Variants in RHCG observed in about 807,000 individuals in gnomAD.
RHCG encodes the protein ammonium transporter Rh type C.
A neutral mutation model predicts 55.3 loss-of-function variants in RHCG; 39 were observed. The ratio of observed to expected loss-of-function variants is 0.70; its 90% CI spans 0.55 to 0.92. The LOEUF (loss-of-function observed/expected upper bound fraction) is 0.92. Among genes scored for constraint, RHCG ranks in the 40% least tolerant of loss-of-function variants. RHCG has a pLI of 0.00. For synonymous variants in RHCG, 250 were observed against 246.8 expected (o/e 1.01, Z -0.12); for missense variants, 635 against 627.9 (o/e 1.01, Z -0.12).
chr15:89,494,577 C>A (rs1348036740), intron 1 of RHCG, among the ~76,000 whole-genome samples: 1 of 151,710 alleles, frequency 6.6e-6, no homozygotes, highest in African/African-American at 2.4e-5. Flanking sequence ...TGTACCTCCC[C>A]ACTGGTGAGG....
At chr15:89,476,012 G>T (rs111569699) in intron 9 of RHCG, among the ~76,000 whole-genome samples, 5,720 of 132,694 alleles carry the variant, frequency 0.043, 274 homozygotes, top group African/African-American at 0.17. Context: ...TCTTGCTCTC[G>T]CTCTCTCTCT....
intron 2 of RHCG, 63 bp downstream of exon 2, chr15:89,486,736 G>T (rs1235785798): frequency 6.6e-7 from 1 of 1,520,226 alleles, no homozygotes; most frequent in East Asian, 2.3e-5. Flanking sequence ...CCTCCCTCAG[G>T]CTCACCTGCC....
At position 89,479,433 on chromosome 15, in the gene RHCG, A is replaced by G. The variant is rs752717497; in HGVS notation, c.726T>C (p.His242=). 9.3e-6 allele frequency: 15 copies of G among 1,614,076 alleles called. No homozygotes were observed. The highest frequency in any genetic ancestry group is 3.3e-5 in the South Asian group (3 of 91,052). The change falls in exon 5 of 11, where the codon CAT becomes CAC. Residue 242 remains histidine (H), a synonymous_variant. Transcript: ENST00000268122. ...TGGCGGCTCGGTGCTGGCTGTCCCC[A>G]TGGTAGGATATGGCTGAGTTGAAGC... ...WPSFNSAISY[H]GDSQHRAAIN...
intron 1 of RHCG, among the ~76,000 whole-genome samples, chr15:89,490,583 ACT>A (rs1961455445): frequency 6.6e-6 from 1 of 152,228 alleles, no homozygotes; most frequent in African/African-American, 2.4e-5. Context: ...TCTGGGAAGA[ACT>A]GATGGGTGAC....
At chr15:89,496,163 C>T (rs1382006767) in intron 1 of RHCG, among the ~76,000 whole-genome samples, 198 bp downstream of exon 1, 1 of 152,166 alleles carries the variant, frequency 6.6e-6, no homozygotes, top group East Asian at 1.9e-4. Flanking sequence ...CGGTGTTTTC[C>T]CTACTAGTTT....
Position 89,477,074 on chromosome 15 carries a change from C to T in RHCG, c.1237+8G>A, listed in dbSNP as rs771509749. 7.4e-6 allele frequency: 12 copies of T among 1,614,096 alleles called. No homozygotes were observed. Among genetic ancestry groups the T allele is most frequent in the East Asian group, 6.7e-5 (3 of 44,874 alleles). On this transcript the variant is annotated splice_region_variant and intron_variant, in intron 8 of 10. Coordinates refer to ENST00000268122, the MANE Select transcript of RHCG (RefSeq NM_016321.3). This position sits in a 1 kb window ranked among gnomAD's most constrained non-coding sequence, Gnocchi z 4.5. ...CCCCCCTTCTCTGGCTCAGCCATTC[C>T]TGCTCACCCACAATGATGCCACCCA...
chr15:89,477,232 A>G lies in RHCG; in HGVS notation c.1113-26T>C. On this transcript the variant is annotated intron_variant, in intron 7 of 10. Coordinates refer to ENST00000268122, the MANE Select transcript of RHCG (RefSeq NM_016321.3). This position sits in a 1 kb window ranked among gnomAD's most constrained non-coding sequence, Gnocchi z 4.5. ...CTGGGGTGGAGACAGGGGGCAGGTCAGGGCCCCATGGAGAGGCCAAGTAAC... is the reference window on the plus strand; with the variant it reads ...CTGGGGTGGAGACAGGGGGCAGGTCGGGGCCCCATGGAGAGGCCAAGTAAC... 1 of 1,613,512 alleles carries G rather than the reference A, an allele frequency of 6.2e-7. No individual in the cohort carries two copies. Among genetic ancestry groups the G allele is most frequent in the Non-Finnish European group, 8.5e-7 (1 of 1,179,678 alleles).
chr15:89,487,308 C>G lies in RHCG; in HGVS notation c.185-323G>C, dbSNP rs1253236652. On this transcript the variant is annotated intron_variant, in intron 1 of 10. Coordinates refer to ENST00000268122, the MANE Select transcript of RHCG (RefSeq NM_016321.3). ...TAGTGCCAAGAGATTCCCAAACACC[C>G]TCCTTGAGAGATGGCAGCTCCTTGG... Among the ~76,000 whole-genome samples the G allele has an allele frequency of 2.6e-5, 4 of 152,230 alleles. No individual in the cohort carries two copies. In the South Asian group the frequency reaches 8.3e-4, roughly 31 times the overall value.
intron 1 of RHCG, among the ~76,000 whole-genome samples, chr15:89,491,027 A>G (rs896296869): frequency 6.6e-6 from 1 of 152,156 alleles, no homozygotes; most frequent in Non-Finnish European, 1.5e-5. Context: ...CATCACCGCA[A>G]GTGGGGTCCT....
chr15:89,475,411 T>C (rs1038542930), intron 9 of RHCG, among the ~76,000 whole-genome samples: 3 of 152,064 alleles, frequency 2.0e-5, no homozygotes, highest in African/African-American at 7.2e-5. Context: ...CCCGGCTAAT[T>C]TTTTTTGTAT....
intron 1 of RHCG, among the ~76,000 whole-genome samples, chr15:89,495,700 C>T (rs1961553360): frequency 6.6e-6 from 1 of 152,228 alleles, no homozygotes; most frequent in South Asian, 2.1e-4. Context: ...TCACCCCAAC[C>T]CCTGTGAAGG....
At chr15:89,474,752 G>GCCTTCCTTCCTGCCTT (rs1567223867) in intron 9 of RHCG, among the ~76,000 whole-genome samples, 15 of 132,476 alleles carry the variant, frequency 1.1e-4, no homozygotes, top group Non-Finnish European at 2.0e-4. Context: ...CTTCCTGCCT[G>GCCTTCCTTCCTGCCTT]CCTTCCTTCC....
chr15:89,476,935 C>T, intron 8 of RHCG, 107 bp from the exon 9 acceptor site: 1 of 1,537,878 alleles, frequency 6.5e-7, no homozygotes, highest in South Asian at 1.1e-5. Flanking sequence ...GGGCTGAGTT[C>T]CAAATTGTCC....
intron 1 of RHCG, among the ~76,000 whole-genome samples, chr15:89,493,336 G>T (rs1961510572): frequency 6.6e-6 from 1 of 152,204 alleles, no homozygotes; most frequent in Non-Finnish European, 1.5e-5. Flanking sequence ...GAAGCTGCGT[G>T]CTTAGCAACC....
Position 89,477,942 on chromosome 15 carries a change from C to G in RHCG, c.870G>C (p.Gly290=). The G allele has an allele frequency of 1.9e-6, 3 of 1,611,786 alleles. No homozygotes were observed. Among genetic ancestry groups the G allele is most frequent in the Non-Finnish European group, 2.5e-6 (3 of 1,178,406 alleles). The change falls in exon 6 of 11, where the codon GGG becomes GGC. Residue 290 remains glycine, a synonymous_variant. Transcript: ENST00000268122. The surrounding 1 kb of genome is among the most constrained non-coding windows in gnomAD (Gnocchi z 4.5). ...TCTCAGCAGCGGTACCCACGGCCACCCCTCCTGCGAGCGTGGCATTCTGGA... is the reference window on the plus strand; with the variant it reads ...TCTCAGCAGCGGTACCCACGGCCACGCCTCCTGCGAGCGTGGCATTCTGGA... ...VHIQNATLAG[G]VAVGTAAEMM... is the part of the protein sequence containing the mutation.
In RHCG at chr15:89,477,527, C is replaced by A; in HGVS notation, c.1102G>T (p.Gly368Ter). The A allele has an allele frequency of 6.2e-7, 1 of 1,614,108 alleles. No homozygotes were observed. The highest frequency in any genetic ancestry group is 8.5e-7 in the Non-Finnish European group (1 of 1,180,026). ...CTCCTCCACATTTACCCTTCTTTTC[C>A]ATAGACTTCAAGGCTGGCGGAGGCC... ...TAASASLEVYGKEGLVHSFDF... is the reference protein window; with the variant it reads ...TAASASLEVY Residue 368 changes from glycine to a stop codon, truncating the protein, a stop_gained, in exon 7 of 11, where the codon GGA (glycine) becomes TGA (stop). Coordinates refer to ENST00000268122, the MANE Select transcript of RHCG (RefSeq NM_016321.3). LOFTEE classifies it high-confidence loss of function. The surrounding 1 kb of genome is among the most constrained non-coding windows in gnomAD (Gnocchi z 4.5).
In RHCG at chr15:89,479,394, G is replaced by A. The variant is rs1256079314; in HGVS notation, c.765C>T (p.Cys255=). Residue 255 remains cysteine, a synonymous_variant, in exon 5 of 11, where the codon TGC becomes TGT. Coordinates refer to ENST00000268122, the MANE Select transcript of RHCG (RefSeq NM_016321.3). The part of the protein sequence containing the change: ...SQHRAAINTY[C]SLAACVLTSV... The stretch of plus-strand genomic sequence containing the variant: ...AGGTAAGCACGCAGGCTGCCAAGGA[G>A]CAGTAGGTGTTGATGGCGGCTCGGT... 6.2e-7 allele frequency: 1 copy of A among 1,614,194 alleles called. No homozygotes were observed. The highest frequency in any genetic ancestry group is 1.1e-5 in the South Asian group (1 of 91,088).
rs557360172 is a variant in RHCG at position 89,492,898 on chromosome 15, A to T, written c.184+3463T>A. Among the ~76,000 whole-genome samples, 15 of 152,256 alleles carry T rather than the reference A, an allele frequency of 9.9e-5. 1 individual carries two copies. The highest frequency in any genetic ancestry group is 8.5e-4 in the Admixed American group (13 of 15,302). On this transcript the variant is annotated intron_variant, in intron 1 of 10. Transcript: ENST00000268122. ...GCAGCATTTACTGTCCTCTCCCTTT[A>T]TGCCAGGAGATGAGTGCCCTACCAG...
chr15:89,480,237 C>T, intron 4 of RHCG, 24 bp downstream of exon 4: 7 of 1,613,354 alleles, frequency 4.3e-6, no homozygotes, highest in Non-Finnish European at 5.1e-6. Context: ...CATGGTGGCC[C>T]TCGGTCATGA....
Sources: allele counts gnomAD v4.1 joint callset (sites outside exome capture counted in the v4.1 genomes callset), GRCh38; gene constraint gnomAD v4.1.1; non-coding constraint Gnocchi (gnomAD v3.1); transcripts MANE v1.5; gene names NCBI Gene and HGNC (gene_info 2026-07-23, HGNC 2026-07-21).